The following MAST3 variants were observed in gnomAD, a reference collection of about 807,000 sequenced individuals.
The protein encoded by MAST3 is microtubule associated serine/threonine kinase 3.
In MAST3, 43 loss-of-function variants were observed where a neutral mutation model predicts 127.0. The observed-to-expected ratio is 0.34, with a 90% CI of 0.27 to 0.44. The LOEUF (loss-of-function observed/expected upper bound fraction) is 0.44, where lower values mean the gene tolerates loss of function less well. Among genes scored for constraint, MAST3 ranks in the 20% least tolerant of loss-of-function variants. The probability of loss-of-function intolerance (pLI) is 1.00; values close to 1 mark genes in which losing one functional copy is unlikely to be tolerated. For missense variants in MAST3, 1,390 were observed against 1,919.1 expected (o/e 0.72, Z 5.15); for synonymous variants, 785 against 809.2 (o/e 0.97, Z 0.51).
In MAST3 at chr19:18,129,186, G is replaced by A. The variant is rs540925921; in HGVS notation, c.1223+235G>A. On this transcript the variant is annotated intron_variant, in intron 13 of 27. Coordinates refer to ENST00000687212, the MANE Select transcript of MAST3 (RefSeq NM_001393504.1). ...CCTTTACCTGCCCCAGGTGTAGGGC[G>A]TTCTAGGGGCTTGGGGGCTGATCAA... 275 of 555,836 alleles carry A rather than the reference G, an allele frequency of 4.9e-4. 4 individuals carry two copies. The South Asian group carries it at 5.5e-3, about 11-fold the overall frequency. The allele number at this position is 555,836 out of a possible 1,614,324, so 34.4% of individuals were successfully genotyped here.
Position 18,149,669 on chromosome 19 carries a change from C to A in MAST3, c.3987C>A (p.Ile1329=). Residue 1329 remains isoleucine (I), a synonymous_variant, in exon 28 of 28, where the codon ATC becomes ATA. Transcript: ENST00000687212. The surrounding 1 kb of genome is among the most constrained non-coding windows in gnomAD (Gnocchi z 5.9). ...GGCTGCCCACCTCAGTGCCACAGAT[C>A]GCCGTGGAGGGCGAGGAAGCCGTGC... ...ATGLPTSVPQ[I]AVEGEEAVPV... 1 of 1,613,142 alleles carries A rather than the reference C, an allele frequency of 6.2e-7. No homozygotes were observed. Among genetic ancestry groups the A allele is most frequent in the Middle Eastern group, 1.6e-4 (1 of 6,062 alleles).
intron 19 of MAST3, among the ~76,000 whole-genome samples, chr19:18,137,814 T>C (rs2042035093): frequency 6.6e-6 from 1 of 152,218 alleles, no homozygotes; most frequent in African/African-American, 2.4e-5. Context: ...TGCCCTTCAG[T>C]GTCCAGCACC....
rs1398236958 is a variant in MAST3, at chr19:18,139,027, G to A, written c.2108G>A (p.Arg703His). ...CTCCCTCCCACAGCACGTTCGGAAC[G>A]TTACCGCCATCTGGGCTCCGAGGAC... ...DTSYFDTRSERYRHLGSEDDE... is the reference protein window; with the variant it reads ...DTSYFDTRSEHYRHLGSEDDE... The change falls in exon 20 of 28, where the codon CGT (arginine) becomes CAT (histidine). Residue 703 changes from arginine (R) to histidine (H), a missense_variant. Coordinates refer to ENST00000687212, the MANE Select transcript of MAST3 (RefSeq NM_001393504.1). 8 of 1,592,660 alleles carry A rather than the reference G, an allele frequency of 5.0e-6. No homozygotes were observed. The highest frequency in any genetic ancestry group is 2.3e-5 in the East Asian group (1 of 43,690).
At chr19:18,116,257 C>A (rs2039235694) in intron 3 of MAST3, among the ~76,000 whole-genome samples, 1 of 151,546 alleles carries the variant, frequency 6.6e-6, no homozygotes. Context: ...CCATGCCCAG[C>A]TATTTCTTTT....
chr19:18,130,405 G>C, intron 13 of MAST3, 89 bp from the exon 14 acceptor site: 1 of 1,199,432 alleles, frequency 8.3e-7, no homozygotes, highest in Non-Finnish European at 1.2e-6. Context: ...GCAAAGGCCA[G>C]GCAGGTTGGG....
rs150248352 is a variant in MAST3, at chr19:18,138,002, C to T, written c.2095+641C>T. On this transcript the variant is annotated intron_variant, in intron 19 of 27. Coordinates refer to ENST00000687212, the MANE Select transcript of MAST3 (RefSeq NM_001393504.1). ...GGCAGATCACCTGAGGTCAGGAGTTCGAGACCAGGCTGCCTGACCAACATG... is the reference window on the plus strand; with the variant it reads ...GGCAGATCACCTGAGGTCAGGAGTTTGAGACCAGGCTGCCTGACCAACATG... 1.0e-2 allele frequency among the ~76,000 whole-genome samples: 1,520 copies of T among 152,034 alleles called. 54 individuals carry two copies. Among genetic ancestry groups the T allele is most frequent in the Admixed American group, 0.06 (911 of 15,248 alleles).
chr19:18,145,180 G>A lies in MAST3; in HGVS notation c.2990G>A (p.Arg997His), dbSNP rs1394688205. 5 of 1,613,766 alleles carry A rather than the reference G, an allele frequency of 3.1e-6. No homozygotes were observed. The highest frequency in any genetic ancestry group is 1.1e-5 in the South Asian group (1 of 91,070). Residue 997 changes from arginine (R) to histidine (H), a missense_variant, in exon 24 of 28, where the codon CGC (arginine) becomes CAC (histidine). Physicochemically the swap from Arg to His is conservative, Grantham distance 29. Around this residue, in one of 5 missense-constraint regions of MAST3, gnomAD observed 816 missense variants for 934.1 expected, o/e 0.87. Coordinates refer to ENST00000687212, the MANE Select transcript of MAST3 (RefSeq NM_001393504.1). This position sits in a 1 kb window ranked among gnomAD's most constrained non-coding sequence, Gnocchi z 5.9. ...KKYGFSLRAI[R>H]VYMGDSDVYT... ...TACGGCTTCAGCCTGCGGGCGATCCGCGTCTACATGGGTGATAGCGACGTC... is the reference window on the plus strand; with the variant it reads ...TACGGCTTCAGCCTGCGGGCGATCCACGTCTACATGGGTGATAGCGACGTC...
At chr19:18,141,165 G>C (rs1449536578) in intron 20 of MAST3, among the ~76,000 whole-genome samples, 1 of 152,016 alleles carries the variant, frequency 6.6e-6, no homozygotes. Flanking sequence ...ATCAAAAAAT[G>C]CTCCACTCTG....
rs375774280 is a variant in MAST3 at position 18,122,697 on chromosome 19, C to T, written c.345C>T (p.Leu115=). The T allele has an allele frequency of 1.2e-5, 20 of 1,613,426 alleles. No individual in the cohort carries two copies. In the East Asian group the frequency reaches 1.3e-4, roughly 11 times the overall value. ...ARRADGRRWS[L]ASLPSSGYGT... ...GGGCAGACGGCAGAAGATGGTCCCT[C>T]GCGTCTCTCCCATCTTCCGGCTATG... is the stretch of plus-strand genomic sequence containing the variant. Residue 115 remains leucine, a synonymous_variant, in exon 6 of 28, where the codon CTC becomes CTT. Coordinates refer to ENST00000687212, the MANE Select transcript of MAST3 (RefSeq NM_001393504.1).
At chr19:18,106,162 A>G (rs2038054278) in intron 1 of MAST3, among the ~76,000 whole-genome samples, 1 of 152,106 alleles carries the variant, frequency 6.6e-6, no homozygotes, top group Non-Finnish European at 1.5e-5. Context: ...ATCATAGTTC[A>G]CTGCAACCTC....
At chr19:18,109,621 C>T (rs1344638074) in intron 2 of MAST3, among the ~76,000 whole-genome samples, 2 of 152,104 alleles carry the variant, frequency 1.3e-5, no homozygotes, top group Non-Finnish European at 2.9e-5. Context: ...AAGGACAGAG[C>T]TGGCGGCGCC....
chr19:18,124,379 T>G lies in MAST3; in HGVS notation c.945+13T>G, dbSNP rs1344334185. On this transcript the variant is annotated intron_variant, in intron 10 of 27. Transcript: ENST00000687212. Reference sequence around the variant, plus strand: ...GCTGGAGTGTCTGGTAAGTTTCTCTTTCTACGGCCAGCTTGGGGTCCAGGC... The same window carrying G: ...GCTGGAGTGTCTGGTAAGTTTCTCTGTCTACGGCCAGCTTGGGGTCCAGGC... 6.3e-7 allele frequency: 1 copy of G among 1,585,228 alleles called. No individual in the cohort carries two copies. The highest frequency in any genetic ancestry group is 1.1e-5 in the South Asian group (1 of 87,182).
rs749074984 is a variant in MAST3 at position 18,137,382 on chromosome 19, A to AG, written c.2095+28dup. 7.9e-5 allele frequency: 126 copies of AG among 1,604,808 alleles called. No homozygotes were observed. In the African/African-American group the frequency reaches 1.0e-3, roughly 13 times the overall value. On this transcript the variant is annotated intron_variant, in intron 19 of 27. Transcript: ENST00000687212. Reference sequence around the variant, plus strand: ...TGACAGTAAGGAGGGATCCCCCTGGAGGGGGGGCGGGGGGTGCTCTGCCAT... The same window carrying AG: ...TGACAGTAAGGAGGGATCCCCCTGGAGGGGGGGGCGGGGGGTGCTCTGCCAT...
chr19:18,128,571 C>T (rs1657556184), intron 12 of MAST3, 113 bp downstream of exon 12: 7 of 1,159,536 alleles, frequency 6.0e-6, no homozygotes, highest in Admixed American at 4.6e-5. Flanking sequence ...TAATTAGCAT[C>T]GGTGACTTTG....
At chr19:18,140,195 C>T (rs1308734736) in intron 20 of MAST3, among the ~76,000 whole-genome samples, 3 of 150,626 alleles carry the variant, frequency 2.0e-5, no homozygotes, top group East Asian at 4.1e-4. Flanking sequence ...GCCTGACTAA[C>T]ATGGTGAAGC....
rs1290514323 is a variant in MAST3 at position 18,112,534 on chromosome 19, C to A, written c.161+1793C>A. ...ATTTTCAGTAAAGATGGGGTTTCAC[C>A]ATGTTAGCTAGGCTGGTCTCGAGCT... On this transcript the variant is annotated intron_variant, in intron 3 of 27. Coordinates refer to ENST00000687212, the MANE Select transcript of MAST3 (RefSeq NM_001393504.1). This position sits in a 1 kb window ranked among gnomAD's most constrained non-coding sequence, Gnocchi z 4.1. 1.3e-5 allele frequency among the ~76,000 whole-genome samples: 2 copies of A among 152,112 alleles called. No individual in the cohort carries two copies. Among genetic ancestry groups the A allele is most frequent in the Non-Finnish European group, 2.9e-5 (2 of 68,034 alleles).
rs2038859132 is a variant in MAST3 at position 18,113,292 on chromosome 19, CCTT to C, written c.161+2552_161+2554del. ...TCCAGCCTCTGCAACTCCCCTGCCT[CCTT>C]TTTTTTTTTGAGACAGTCTCGCTTT... On this transcript the variant is annotated intron_variant, in intron 3 of 27. Coordinates refer to ENST00000687212, the MANE Select transcript of MAST3 (RefSeq NM_001393504.1). 4.6e-5 allele frequency among the ~76,000 whole-genome samples: 7 copies of C among 151,980 alleles called. No individual in the cohort carries two copies. In the South Asian group the frequency reaches 1.5e-3, roughly 32 times the overall value.
intron 20 of MAST3, among the ~76,000 whole-genome samples, chr19:18,139,906 G>A (rs1464143768): frequency 1.4e-5 from 2 of 143,148 alleles, no homozygotes; most frequent in African/African-American, 5.2e-5. Context: ...TGCAAGCTCC[G>A]CCTCCCGGGT....
intron 6 of MAST3, among the ~76,000 whole-genome samples, chr19:18,122,999 G>A (rs1599747439): frequency 1.3e-5 from 2 of 152,240 alleles, no homozygotes; most frequent in South Asian, 4.1e-4. Flanking sequence ...CTGACCAGAG[G>A]GGGACTTGGG....
Sources: allele counts gnomAD v4.1 joint callset (sites outside exome capture counted in the v4.1 genomes callset), GRCh38; gene constraint gnomAD v4.1.1; regional missense constraint gnomAD v4.1.1; non-coding constraint Gnocchi (gnomAD v3.1); transcripts MANE v1.5; gene names NCBI Gene and HGNC (gene_info 2026-07-23, HGNC 2026-07-21).